Variants in PLCXD3 observed in about 807,000 individuals in gnomAD.
The protein encoded by PLCXD3 is phosphatidylinositol specific phospholipase C X domain containing 3.
In PLCXD3, 19 loss-of-function variants were observed where a neutral mutation model predicts 25.5. The ratio of observed to expected loss-of-function variants is 0.75; its 90% confidence interval spans 0.52 to 1.09. The LOEUF (loss-of-function observed/expected upper bound fraction) is 1.09, where lower values mean the gene tolerates loss of function less well. Among genes scored for constraint, PLCXD3 ranks in the 50% least tolerant of loss-of-function variants. The pLI, the probability that PLCXD3 is intolerant of heterozygous loss-of-function variation, is 0.00. For missense variants in PLCXD3, 411 were observed against 388.1 expected (o/e 1.06, Z -0.50); for synonymous variants, 174 against 137.6 (o/e 1.26, Z -1.85).
chr5:41,492,669 G>C (rs1381273138), intron 1 of PLCXD3, among the ~76,000 whole-genome samples: 2 of 151,786 alleles, frequency 1.3e-5, no homozygotes, highest in Admixed American at 6.6e-5. Context: ...TTCCCTTCTC[G>C]CTTCATTTCA....
Position 41,352,360 on chromosome 5 carries a change from C to T in PLCXD3, c.812+29466G>A, listed in dbSNP as rs1340084486. Among the ~76,000 whole-genome samples, 7 of 152,284 alleles carry T rather than the reference C, an allele frequency of 4.6e-5. 1 individual carries two copies. In the South Asian group the frequency reaches 1.2e-3, roughly 27 times the overall value. On this transcript the variant is annotated intron_variant, in intron 2 of 2. Coordinates refer to ENST00000377801, the MANE Select transcript of PLCXD3 (RefSeq NM_001005473.3). Reference sequence around the variant, plus strand: ...TCTCTTTTTCCCCAGGTTCACCTGGCAAATTTCTACTTGCTTTAATTCTCA... The same window carrying T: ...TCTCTTTTTCCCCAGGTTCACCTGGTAAATTTCTACTTGCTTTAATTCTCA...
intron 1 of PLCXD3, among the ~76,000 whole-genome samples, chr5:41,403,416 T>TTTTTTTTGTTTTTTTTTACTTTTTTTTA (rs59150091): frequency 2.1e-5 from 1 of 47,576 alleles, no homozygotes; most frequent in Non-Finnish European, 4.8e-5. Context: ...TTTTTTTTTT[T>TTTTTTTTGTTTTTTTTTACTTTTTTTTA]ATTATACTCT....
intron 2 of PLCXD3, among the ~76,000 whole-genome samples, chr5:41,366,719 T>C (rs1744948309): frequency 1.3e-5 from 2 of 152,332 alleles, no homozygotes; most frequent in Admixed American, 1.3e-4. Context: ...CATAGGTAAA[T>C]GTGTGCATGG....
At chr5:41,365,728 A>G (rs1307518552) in intron 2 of PLCXD3, among the ~76,000 whole-genome samples, 1 of 152,156 alleles carries the variant, frequency 6.6e-6, no homozygotes, top group Admixed American at 6.6e-5. Context: ...CCATCCTAGT[A>G]TCAAGCGGAT....
chr5:41,494,166 A>G (rs1043460632), intron 1 of PLCXD3, among the ~76,000 whole-genome samples: 2 of 152,222 alleles, frequency 1.3e-5, no homozygotes, highest in Non-Finnish European at 2.9e-5. Flanking sequence ...TGGTGTGATC[A>G]GAGCTCACTG....
At chr5:41,431,176 G>A (rs975594100) in intron 1 of PLCXD3, among the ~76,000 whole-genome samples, 18 of 152,122 alleles carry the variant, frequency 1.2e-4, no homozygotes, top group Admixed American at 1.3e-4. Context: ...TCTAACTGTC[G>A]ATGTTTCTAA....
At chr5:41,324,468 A>G (rs1743563835) in intron 2 of PLCXD3, among the ~76,000 whole-genome samples, 1 of 152,206 alleles carries the variant, frequency 6.6e-6, no homozygotes, top group Non-Finnish European at 1.5e-5. Context: ...AGTTGTTTCT[A>G]AAAGAGCATA....
intron 1 of PLCXD3, among the ~76,000 whole-genome samples, chr5:41,445,980 G>A (rs1324246622): frequency 2.0e-5 from 3 of 151,850 alleles, no homozygotes; most frequent in Non-Finnish European, 4.4e-5. Flanking sequence ...GAGGTCAGGG[G>A]ATCGAGACTA....
At chr5:41,429,693 G>C (rs1042340276) in intron 1 of PLCXD3, among the ~76,000 whole-genome samples, 23 of 151,962 alleles carry the variant, frequency 1.5e-4, no homozygotes, top group African/African-American at 5.6e-4. Flanking sequence ...AAGAGAAAAA[G>C]AAAGAAATAT....
At chr5:41,338,840 C>G (rs1277347302) in intron 2 of PLCXD3, among the ~76,000 whole-genome samples, 1 of 152,110 alleles carries the variant, frequency 6.6e-6, no homozygotes, top group Non-Finnish European at 1.5e-5. Flanking sequence ...CTTTGTCACT[C>G]TTTTCTGTGT....
At chr5:41,401,567 C>A (rs994527894) in intron 1 of PLCXD3, among the ~76,000 whole-genome samples, 7 of 152,046 alleles carry the variant, frequency 4.6e-5, no homozygotes, top group Non-Finnish European at 1.0e-4. Flanking sequence ...ATGCCAGCAC[C>A]ACACTGTCTT....
chr5:41,489,861 A>T (rs1201181411), intron 1 of PLCXD3, among the ~76,000 whole-genome samples: 1 of 151,656 alleles, frequency 6.6e-6, no homozygotes, highest in Non-Finnish European at 1.5e-5. Flanking sequence ...TTCTAGATAT[A>T]CAATCATGTC....
intron 1 of PLCXD3, among the ~76,000 whole-genome samples, chr5:41,423,347 G>A (rs1746873750): frequency 6.6e-6 from 1 of 152,004 alleles, no homozygotes; most frequent in Admixed American, 6.5e-5. Context: ...TGAATTTTCT[G>A]CTTCTAGTTG....
chr5:41,501,031 G>T (rs1384631394), intron 1 of PLCXD3, among the ~76,000 whole-genome samples: 1 of 151,880 alleles, frequency 6.6e-6, no homozygotes, highest in Non-Finnish European at 1.5e-5. Flanking sequence ...TGTTAGGATG[G>T]TTACTATCAA....
intron 2 of PLCXD3, among the ~76,000 whole-genome samples, chr5:41,377,391 C>A (rs750015571): frequency 1.4e-4 from 21 of 151,966 alleles, no homozygotes; most frequent in Non-Finnish European, 2.5e-4. Context: ...AACTCAGCAT[C>A]ACTTTACTTG....
intron 1 of PLCXD3, among the ~76,000 whole-genome samples, chr5:41,498,098 A>G (rs946189425): frequency 1.3e-5 from 2 of 151,754 alleles, no homozygotes; most frequent in Non-Finnish European, 3.0e-5. Flanking sequence ...AAAAAGATAA[A>G]AACCTTAACC....
intron 1 of PLCXD3, among the ~76,000 whole-genome samples, chr5:41,412,470 A>G (rs1746582066): frequency 6.6e-6 from 1 of 152,034 alleles, no homozygotes; most frequent in African/African-American, 2.4e-5. Flanking sequence ...CTTTACCTTT[A>G]CTTCATTATT....
At chr5:41,504,872 T>C (rs1425447395) in intron 1 of PLCXD3, among the ~76,000 whole-genome samples, 1 of 152,224 alleles carries the variant, frequency 6.6e-6, no homozygotes, top group African/African-American at 2.4e-5. Context: ...GGAAGTTCGT[T>C]AAGGAGGTAT....
rs6861380 is a variant in PLCXD3 at position 41,486,935 on chromosome 5, C to A, written c.103+23489G>T. On this transcript the variant is annotated intron_variant, in intron 1 of 2. Coordinates refer to ENST00000377801, the MANE Select transcript of PLCXD3 (RefSeq NM_001005473.3). The stretch of plus-strand genomic sequence containing the variant: ...AACCAAGACTGACCATGGCATGAAT[C>A]CCCCAACCGTTTTACAGATGTAACA... Among the ~76,000 whole-genome samples, 143 of 151,962 alleles carry A rather than the reference C, an allele frequency of 9.4e-4. 5 individuals carry two copies. The highest frequency in any genetic ancestry group is 3.4e-3 in the African/African-American group (139 of 41,280).
Sources: allele counts gnomAD v4.1 joint callset (sites outside exome capture counted in the v4.1 genomes callset), GRCh38; gene constraint gnomAD v4.1.1; transcripts MANE v1.5; gene names NCBI Gene and HGNC (gene_info 2026-07-23, HGNC 2026-07-21).